The following SENP6 variants were observed in gnomAD, a reference collection of about 807,000 sequenced individuals.
SENP6 encodes SUMO specific peptidase 6, also known as sentrin-specific protease 6.
In SENP6, 41 loss-of-function variants were observed where a neutral mutation model predicts 134.5. The ratio of observed to expected loss-of-function variants is 0.30; its 90% confidence interval spans 0.24 to 0.40. The LOEUF is 0.40. SENP6 is among the 10% of genes least tolerant of loss of function. The pLI is 1.00. For synonymous variants in SENP6, 395 were observed against 429.8 expected, an observed-to-expected ratio of 0.92 and a Z score of 1.00; for missense variants, 1,248 against 1,312.5, an observed-to-expected ratio of 0.95 and a Z score of 0.76.
chr6:75,647,567 G>A (rs922408730), intron 6 of SENP6, 164 bp from the exon 7 acceptor site: 1 of 380,802 alleles, frequency 2.6e-6, no homozygotes, highest in African/African-American at 2.1e-5. Context: ...TACAAATTGA[G>A]TTTCATTTAT....
At chr6:75,679,561 G>A (rs545264232) in intron 16 of SENP6, 1 of 152,418 alleles carries the variant, frequency 6.6e-6, no homozygotes, top group South Asian at 2.1e-4. Context: ...ACATGGTACA[G>A]TCCTAGCAGA....
At position 75,602,694 on chromosome 6, in the gene SENP6, A is replaced by G. The variant is rs1278442565; in HGVS notation, c.52+118A>G. The G allele has an allele frequency of 5.8e-6, 6 of 1,040,184 alleles. No homozygotes were observed. In the Admixed American group the frequency reaches 1.3e-4, roughly 23 times the overall value. The allele number at this position is 1,040,184 out of a possible 1,614,324, so 64.4% of individuals were successfully genotyped here. A position where few individuals can be genotyped will look rare whatever the true frequency, so the allele number is the denominator to read the frequency against. On this transcript the variant is annotated intron_variant, in intron 1 of 23. Coordinates refer to ENST00000447266, the MANE Select transcript of SENP6 (RefSeq NM_015571.4). ...TGGGTTTCGGGGGCGGTGAAGTACG[A>G]GGGATGAGCGATGACGGGGAGGGAG...
At chr6:75,663,913 A>G (rs936197923) in intron 9 of SENP6, among the ~76,000 whole-genome samples, 1 of 151,404 alleles carries the variant, frequency 6.6e-6, no homozygotes, top group Non-Finnish European at 1.5e-5. Flanking sequence ...TCCTAACTCT[A>G]TATCCTGTCT....
chr6:75,702,217 G>C (rs1431391761), intron 18 of SENP6, among the ~76,000 whole-genome samples: 3 of 139,406 alleles, frequency 2.2e-5, no homozygotes, highest in African/African-American at 5.9e-5. Context: ...AAAAAAATAG[G>C]CTTTTTTTTT....
intron 8 of SENP6, 147 bp from the exon 9 acceptor site, chr6:75,663,074 C>G: frequency 1.5e-6 from 1 of 666,516 alleles, no homozygotes; most frequent in South Asian, 2.0e-5. Context: ...TGAGGGGATT[C>G]CTTAATGATG....
At chr6:75,635,830 T>G (rs976432779) in intron 5 of SENP6, among the ~76,000 whole-genome samples, 1 of 152,140 alleles carries the variant, frequency 6.6e-6, no homozygotes, top group East Asian at 1.9e-4. Context: ...CACATTCTTA[T>G]GCCCTGATCA....
intron 19 of SENP6, among the ~76,000 whole-genome samples, chr6:75,704,505 GT>G (rs1485399418): frequency 6.6e-6 from 1 of 152,234 alleles, no homozygotes; most frequent in Non-Finnish European, 1.5e-5. Context: ...CCATAGGGCG[GT>G]TTTTCTCCTA....
At chr6:75,669,255 C>T (rs536471336) in intron 10 of SENP6, among the ~76,000 whole-genome samples, 8 of 151,968 alleles carry the variant, frequency 5.3e-5, no homozygotes, top group Non-Finnish European at 8.8e-5. Context: ...GGGAGGCTGA[C>T]GCAGGAGAAT....
At chr6:75,698,903 C>A (rs998830743) in intron 18 of SENP6, among the ~76,000 whole-genome samples, 1 of 151,292 alleles carries the variant, frequency 6.6e-6, no homozygotes, top group Non-Finnish European at 1.5e-5. Context: ...CCCAGCTACT[C>A]AGGAGGCTGA....
intron 1 of SENP6, among the ~76,000 whole-genome samples, chr6:75,605,383 GA>G (rs1225210241): frequency 3.3e-5 from 5 of 152,126 alleles, no homozygotes; most frequent in African/African-American, 1.2e-4. Context: ...AATAAACTGT[GA>G]AAAAGTAATG....
rs1379953360 is a variant in SENP6, at chr6:75,701,655, T to TTTTA, written c.2289-989_2289-988insTTAT. On this transcript the variant is annotated intron_variant, in intron 18 of 23. Coordinates refer to ENST00000447266, the MANE Select transcript of SENP6 (RefSeq NM_015571.4). ...AATCTTTTTTTTTTTTTTTTTTTTTTTGGAGACGGAGTCTCGCTCTGTCGC... is the reference window on the plus strand; with the variant it reads ...AATCTTTTTTTTTTTTTTTTTTTTTTTTTATGGAGACGGAGTCTCGCTCTGTCGC... Among the ~76,000 whole-genome samples, 3 of 147,122 alleles carry TTTTA rather than the reference T, an allele frequency of 2.0e-5. No individual in the cohort carries two copies. The Admixed American group carries it at 2.0e-4, about 10-fold the overall frequency.
intron 16 of SENP6, among the ~76,000 whole-genome samples, chr6:75,692,467 C>CA (rs35719479): frequency 0.31 from 46,022 of 148,996 alleles, 7,618 homozygotes; most frequent in African/African-American, 0.45. Context: ...CAAAAACATA[C>CA]AAAAAAAAAA....
At chr6:75,690,437 T>G (rs1774160231) in intron 16 of SENP6, among the ~76,000 whole-genome samples, 1 of 152,218 alleles carries the variant, frequency 6.6e-6, no homozygotes, top group Admixed American at 6.5e-5. Context: ...GCACAGTAAG[T>G]CAGTCACAAA....
chr6:75,629,431 C>T (rs1318456091), intron 3 of SENP6, among the ~76,000 whole-genome samples: 2 of 152,172 alleles, frequency 1.3e-5, no homozygotes, highest in Non-Finnish European at 2.9e-5. Context: ...TCCTGAGTAG[C>T]TGGGACTACA....
Position 75,675,982 on chromosome 6 carries a change from C to T in SENP6, c.1549C>T (p.Leu517=). The change falls in exon 13 of 24, where the codon CTG becomes TTG. Residue 517 remains leucine, a synonymous_variant. Coordinates refer to ENST00000447266, the MANE Select transcript of SENP6 (RefSeq NM_015571.4). ...LQAIPAVYQK[L]SIQLQMNKED... is the part of the protein sequence containing the mutation. ...AGCAATTCCAGCAGTTTATCAAAAG[C>T]TGAGCATCCAACTGCAAATGAATAA... The T allele has an allele frequency of 1.2e-6, 2 of 1,612,430 alleles. No individual in the cohort carries two copies. Among genetic ancestry groups the T allele is most frequent in the South Asian group, 1.1e-5 (1 of 90,852 alleles).
At chr6:75,618,001 C>T (rs1582676752) in intron 1 of SENP6, among the ~76,000 whole-genome samples, 2 of 152,118 alleles carry the variant, frequency 1.3e-5, no homozygotes, top group Non-Finnish European at 2.9e-5. Context: ...TTCATCATAC[C>T]ATATTAAAGG....
At chr6:75,622,824 A>G in intron 2 of SENP6, 1 of 1,288,444 alleles carries the variant, frequency 7.8e-7, no homozygotes. Flanking sequence ...TGAGATGTTG[A>G]TTTGAAGTTT....
chr6:75,616,670 C>T lies in SENP6; in HGVS notation c.53-4862C>T, dbSNP rs9447525. On this transcript the variant is annotated intron_variant, in intron 1 of 23. Transcript: ENST00000447266. ...CTGAGGCAGGAGAATCACTTGAACC[C>T]GGGAGGCGGAGGTTGCAGTGAGTTG... Among the ~76,000 whole-genome samples the T allele has an allele frequency of 4.7e-5, 7 of 148,736 alleles. 1 individual carries two copies. Among genetic ancestry groups the T allele is most frequent in the South Asian group, 4.2e-4 (2 of 4,706 alleles).
chr6:75,635,538 A>G (rs1228675834), intron 5 of SENP6, among the ~76,000 whole-genome samples: 2 of 152,090 alleles, frequency 1.3e-5, no homozygotes, highest in Non-Finnish European at 1.5e-5. Context: ...ACCTTGCTAT[A>G]TTTTTCTGTT....
Sources: gnomAD v4.1 joint callset for allele counts (sites outside exome capture counted in the v4.1 genomes callset) on GRCh38, gnomAD v4.1.1 for gene constraint, MANE v1.5 for transcripts, NCBI Gene and HGNC (gene_info 2026-07-23, HGNC 2026-07-21) for gene names.